Variants in DCBLD2 observed in about 807,000 individuals in gnomAD.
The protein encoded by DCBLD2 is discoidin, CUB and LCCL domain containing 2, also known as discoidin, CUB and LCCL domain-containing protein 2.
In DCBLD2, 54 loss-of-function variants were observed where a neutral mutation model predicts 86.8. The ratio of observed to expected loss-of-function variants is 0.62; its 90% confidence interval spans 0.50 to 0.78. The LOEUF (loss-of-function observed/expected upper bound fraction) is 0.78. DCBLD2 is among the 30% of genes least tolerant of loss of function. The pLI is 0.00. For missense variants in DCBLD2, 908 were observed against 954.2 expected (o/e 0.95, Z 0.64); for synonymous variants, 354 against 341.3 (o/e 1.04, Z -0.41).
chr3:98,809,028 T>C (rs1021163567), intron 12 of DCBLD2, among the ~76,000 whole-genome samples: 2 of 151,968 alleles, frequency 1.3e-5, no homozygotes, highest in Admixed American at 6.6e-5. Context: ...TTCATATATA[T>C]ATATATGGGA....
At chr3:98,885,920 A>G (rs1294211276) in intron 1 of DCBLD2, among the ~76,000 whole-genome samples, 2 of 151,588 alleles carry the variant, frequency 1.3e-5, no homozygotes, top group Non-Finnish European at 2.9e-5. Flanking sequence ...AAAGGCCAGA[A>G]AAGCTGCTAA....
chr3:98,892,872 T>A (rs1576208024), intron 1 of DCBLD2, among the ~76,000 whole-genome samples: 1 of 152,038 alleles, frequency 6.6e-6, no homozygotes, highest in Non-Finnish European at 1.5e-5. Context: ...AAAGAAGAGA[T>A]AAAATGATCT....
intron 5 of DCBLD2, 113 bp from the exon 6 acceptor site, chr3:98,822,474 C>T: frequency 7.2e-7 from 1 of 1,383,486 alleles, no homozygotes; most frequent in Non-Finnish European, 9.7e-7. Flanking sequence ...TCATAAACTT[C>T]ATAAACAAAA....
chr3:98,810,108 T>C lies in DCBLD2; in HGVS notation c.1576+1086A>G, dbSNP rs151238060. 1.1e-3 allele frequency among the ~76,000 whole-genome samples: 170 copies of C among 152,316 alleles called. No homozygotes were observed. The East Asian group carries it at 0.02, about 18-fold the overall frequency. The stretch of plus-strand genomic sequence containing the variant: ...AGGGATCCTAATTCTGGAAGGAAAT[T>C]ATTTAAGGACTCTTTTTAGCCTTGA... On this transcript the variant is annotated intron_variant, in intron 12 of 15. Coordinates refer to ENST00000326840, the MANE Select transcript of DCBLD2 (RefSeq NM_080927.4).
intron 2 of DCBLD2, among the ~76,000 whole-genome samples, chr3:98,856,119 A>C (rs145586566): frequency 7.9e-4 from 121 of 152,310 alleles, no homozygotes; most frequent in African/African-American, 2.9e-3. Context: ...TTTCTGAAAA[A>C]ATATACTCTT....
At chr3:98,877,339 T>C (rs1340837828) in intron 2 of DCBLD2, among the ~76,000 whole-genome samples, 2 of 152,152 alleles carry the variant, frequency 1.3e-5, no homozygotes, top group South Asian at 2.1e-4. Context: ...AGTCCTCAGG[T>C]ACGAATTCTA....
intron 2 of DCBLD2, among the ~76,000 whole-genome samples, chr3:98,858,200 G>A (rs966621709): frequency 6.6e-6 from 1 of 152,238 alleles, no homozygotes; most frequent in South Asian, 2.1e-4. Flanking sequence ...GGCTGGCAGG[G>A]CCAGCTGGCC....
At chr3:98,827,090 G>T (rs182233035) in intron 3 of DCBLD2, among the ~76,000 whole-genome samples, 9 of 152,234 alleles carry the variant, frequency 5.9e-5, no homozygotes, top group African/African-American at 2.2e-4. Flanking sequence ...CAAGGCAAGT[G>T]TATAAATTAA....
chr3:98,869,141 C>T (rs775056608), intron 2 of DCBLD2, among the ~76,000 whole-genome samples: 3 of 152,118 alleles, frequency 2.0e-5, no homozygotes, highest in Non-Finnish European at 4.4e-5. Flanking sequence ...TTCTTAATGG[C>T]CATTCTGACT....
intron 2 of DCBLD2, among the ~76,000 whole-genome samples, chr3:98,876,156 C>T (rs1943364396): frequency 6.6e-6 from 1 of 151,292 alleles, no homozygotes; most frequent in Admixed American, 6.6e-5. Context: ...TAGCATATAC[C>T]ACTATTATGT....
rs568552149 is a variant in DCBLD2 at position 98,799,642 on chromosome 3, T to C, written c.2058A>G (p.Ser686=). The change falls in exon 16 of 16, where the codon TCA becomes TCG. Residue 686 remains serine (S), a synonymous_variant. Coordinates refer to ENST00000326840, the MANE Select transcript of DCBLD2 (RefSeq NM_080927.4). ...EYATPIIMDM[S]GHPTTSVGQP... is the part of the protein sequence containing the mutation. Reference sequence around the variant, plus strand: ...GACCAACTGAAGTTGTGGGGTGCCCTGACATGTCCATGATGATTGGGGTTG... The same window carrying C: ...GACCAACTGAAGTTGTGGGGTGCCCCGACATGTCCATGATGATTGGGGTTG... The C allele has an allele frequency of 6.2e-7, 1 of 1,613,982 alleles. No homozygotes were observed. Among genetic ancestry groups the C allele is most frequent in the East Asian group, 2.2e-5 (1 of 44,878 alleles).
chr3:98,812,640 GA>G lies in DCBLD2; in HGVS notation c.1213-159del, dbSNP rs1014802141. 16 of 560,732 alleles carry G rather than the reference GA, an allele frequency of 2.9e-5. No homozygotes were observed. The African/African-American group carries it at 2.9e-4, about 10-fold the overall frequency. The allele number at this position is 560,732 out of a possible 1,614,324, so 34.7% of individuals were successfully genotyped here. The stretch of plus-strand genomic sequence containing the variant: ...TTTTTAAGAAAATAATCATAATTTG[GA>G]AAAATATTAAGATGCTGCACATTTT... On this transcript the variant is annotated intron_variant, in intron 9 of 15. Coordinates refer to ENST00000326840, the MANE Select transcript of DCBLD2 (RefSeq NM_080927.4).
intron 2 of DCBLD2, among the ~76,000 whole-genome samples, chr3:98,861,660 T>G (rs373940095): frequency 1.3e-4 from 20 of 151,890 alleles, no homozygotes; most frequent in African/African-American, 4.4e-4. Flanking sequence ...CAGAAATAAA[T>G]ATGTTCTTTG....
At chr3:98,859,556 T>G (rs1943000569) in intron 2 of DCBLD2, among the ~76,000 whole-genome samples, 1 of 152,142 alleles carries the variant, frequency 6.6e-6, no homozygotes, top group Non-Finnish European at 1.5e-5. Flanking sequence ...GCAGCAACAT[T>G]TGCTGTTCAG....
At position 98,835,938 on chromosome 3, in the gene DCBLD2, C is replaced by CTTTTTT. The variant is rs66958811; in HGVS notation, c.572-10578_572-10573dup. Among the ~76,000 whole-genome samples the CTTTTTT allele has an allele frequency of 4.3e-5, 5 of 115,072 alleles. No homozygotes were observed. The East Asian group carries it at 6.9e-4, about 16-fold the overall frequency. 75.5% of individuals were successfully genotyped at this position (115,072 alleles called of 152,430 possible). On this transcript the variant is annotated intron_variant, in intron 3 of 15. Coordinates refer to ENST00000326840, the MANE Select transcript of DCBLD2 (RefSeq NM_080927.4). ...TCTTTCTTTCTTCCTTCCTTTCTTTCTTTTTTTTTTTTTTTAAGATTTTTA... is the reference window on the plus strand; with the variant it reads ...TCTTTCTTTCTTCCTTCCTTTCTTTCTTTTTTTTTTTTTTTTTTTTTAAGATTTTTA...
Position 98,799,484 on chromosome 3 carries a change from T to C in DCBLD2, c.2216A>G (p.Lys739Arg). The C allele has an allele frequency of 6.2e-7, 1 of 1,614,026 alleles. No homozygotes were observed. Among genetic ancestry groups the C allele is most frequent in the Non-Finnish European group, 8.5e-7 (1 of 1,179,892 alleles). ...TTCGTCTGGGGCAGGTAGACCTGGC[T>C]TCCCAGCTTTCGGGGTATCATACTG... is the stretch of plus-strand genomic sequence containing the variant. Reference protein sequence around the residue: ...QAQYDTPKAGKPGLPAPDELV... With the variant: ...QAQYDTPKAGRPGLPAPDELV... The change falls in exon 16 of 16, where the codon AAG (lysine) becomes AGG (arginine). Residue 739 changes from lysine (K) to arginine (R), a missense_variant. Lys to Arg is a conservative substitution (Grantham distance 26, BLOSUM62 2). Around this residue, in one of 3 missense-constraint regions of DCBLD2, gnomAD observed 606 missense variants for 678.5 expected, o/e 0.89. Transcript: ENST00000326840.
At chr3:98,851,239 C>T (rs979910944) in intron 2 of DCBLD2, among the ~76,000 whole-genome samples, 3 of 152,216 alleles carry the variant, frequency 2.0e-5, no homozygotes, top group African/African-American at 7.2e-5. Flanking sequence ...TAGACAACTT[C>T]AGCAAAGTCT....
At chr3:98,893,068 C>A (rs1384383797) in intron 1 of DCBLD2, among the ~76,000 whole-genome samples, 1 of 151,588 alleles carries the variant, frequency 6.6e-6, no homozygotes, top group Admixed American at 6.6e-5. Context: ...GGGGGTGGAA[C>A]AATAATTGGG....
chr3:98,873,505 T>G (rs1011905266), intron 2 of DCBLD2, among the ~76,000 whole-genome samples: 5 of 151,994 alleles, frequency 3.3e-5, no homozygotes. Flanking sequence ...TCCTTCCAAT[T>G]AGAAATAAAC....
Sources: allele counts gnomAD v4.1 joint callset (sites outside exome capture counted in the v4.1 genomes callset), GRCh38; gene constraint gnomAD v4.1.1; regional missense constraint gnomAD v4.1.1; transcripts MANE v1.5; gene names NCBI Gene and HGNC (gene_info 2026-07-23, HGNC 2026-07-21).